The following PTPRK variants were observed in gnomAD, a reference collection of about 807,000 sequenced individuals.
The protein encoded by PTPRK is receptor-type tyrosine-protein phosphatase kappa.
In PTPRK, 75 loss-of-function variants were observed where a neutral mutation model predicts 178.0. That is an observed-to-expected ratio of 0.42 (90% CI 0.35 to 0.51). The LOEUF (loss-of-function observed/expected upper bound fraction) is 0.51. PTPRK is among the 20% of genes least tolerant of loss of function. PTPRK has a pLI of 0.02. For synonymous variants in PTPRK, 637 were observed against 620.6 expected (o/e 1.03, Z -0.39); for missense variants, 1,441 against 1,797.8 (o/e 0.80, Z 3.59).
chr6:128,296,155 C>T (rs900194081), intron 3 of PTPRK, among the ~76,000 whole-genome samples: 9 of 152,068 alleles, frequency 5.9e-5, no homozygotes, highest in African/African-American at 2.2e-4. Context: ...CCCCTTCTTG[C>T]TCACTGCCAT....
intron 1 of PTPRK, among the ~76,000 whole-genome samples, chr6:128,417,452 A>G (rs17361665): frequency 0.035 from 5,338 of 152,330 alleles, 148 homozygotes; most frequent in Non-Finnish European, 0.049. Flanking sequence ...TAGAAAAACT[A>G]TAATGGTTAA....
chr6:128,458,261 G>A (rs1848624833), intron 1 of PTPRK, among the ~76,000 whole-genome samples: 3 of 152,106 alleles, frequency 2.0e-5, no homozygotes, highest in African/African-American at 7.2e-5. Context: ...AGGAAACAGG[G>A]CCAGTATACA....
intron 7 of PTPRK, among the ~76,000 whole-genome samples, chr6:128,105,479 C>A (rs929885512): frequency 5.3e-5 from 8 of 152,014 alleles, no homozygotes; most frequent in Non-Finnish European, 8.8e-5. Context: ...AGTAAGAAAG[C>A]GATGAATATA....
intron 5 of PTPRK, among the ~76,000 whole-genome samples, chr6:128,234,275 T>C (rs1362332852): frequency 6.6e-6 from 1 of 152,242 alleles, no homozygotes. Flanking sequence ...TATGGCTTGA[T>C]TAGCACTGCC....
intron 10 of PTPRK, among the ~76,000 whole-genome samples, chr6:128,080,180 C>T (rs1784563239): frequency 6.6e-6 from 1 of 151,918 alleles, no homozygotes; most frequent in Non-Finnish European, 1.5e-5. Context: ...AGCAGAATAT[C>T]TGAAGATAAC....
intron 18 of PTPRK, 152 bp downstream of exon 18, chr6:127,995,307 CAAT>C: frequency 2.5e-6 from 4 of 1,603,114 alleles, no homozygotes; most frequent in Non-Finnish European, 3.4e-6. Context: ...GAAAGCACAA[CAAT>C]GTCAGTAAGT....
At chr6:127,970,386 T>C (rs1226711579) in intron 29 of PTPRK, 106 bp from the exon 30 acceptor site, 3 of 762,284 alleles carry the variant, frequency 3.9e-6, no homozygotes, top group Non-Finnish European at 6.2e-6. Flanking sequence ...TACTCAAGGA[T>C]TACAATTTAT....
intron 1 of PTPRK, among the ~76,000 whole-genome samples, chr6:128,483,485 T>G (rs1257504927): frequency 6.6e-6 from 1 of 152,146 alleles, no homozygotes; most frequent in Admixed American, 6.6e-5. Flanking sequence ...CTTCTCCCTC[T>G]GATATTATAA....
intron 2 of PTPRK, among the ~76,000 whole-genome samples, chr6:128,350,957 A>C (rs1326879250): frequency 2.0e-5 from 3 of 152,202 alleles, no homozygotes; most frequent in Non-Finnish European, 2.9e-5. Context: ...ACTCTTCTTC[A>C]ATTTCTAAGC....
chr6:128,367,188 C>T (rs1454110353), intron 2 of PTPRK, among the ~76,000 whole-genome samples: 2 of 152,108 alleles, frequency 1.3e-5, no homozygotes, highest in East Asian at 3.9e-4. Flanking sequence ...TAATAAATAT[C>T]TGTTGATGTA....
chr6:127,980,074 G>C (rs958428446), intron 25 of PTPRK, among the ~76,000 whole-genome samples: 17 of 152,180 alleles, frequency 1.1e-4, no homozygotes, highest in Admixed American at 1.1e-3. Context: ...ACTTTGGGGG[G>C]CCGAGGCAGG....
At chr6:128,342,579 C>T (rs1177401998) in intron 2 of PTPRK, among the ~76,000 whole-genome samples, 1 of 150,906 alleles carries the variant, frequency 6.6e-6, no homozygotes, top group Non-Finnish European at 1.5e-5. Context: ...AAAAAAGGCT[C>T]ATTATGTAGT....
In PTPRK at chr6:128,145,035, G is replaced by A. The variant is rs888854819; in HGVS notation, c.1162+39397C>T. On this transcript the variant is annotated intron_variant, in intron 7 of 29. Coordinates refer to ENST00000368226, the MANE Select transcript of PTPRK (RefSeq NM_002844.4). ...CAGATGTGGTGTTTAAAACAAAGTT[G>A]ACTTTCCAACAGCTACACAATAACA... 4.6e-5 allele frequency among the ~76,000 whole-genome samples: 7 copies of A among 152,068 alleles called. No homozygotes were observed. The South Asian group carries it at 6.2e-4, about 14-fold the overall frequency.
chr6:128,050,780 A>G (rs1397358295), intron 13 of PTPRK, among the ~76,000 whole-genome samples: 2 of 152,158 alleles, frequency 1.3e-5, no homozygotes, highest in African/African-American at 2.4e-5. Flanking sequence ...GGCTCAAGCA[A>G]TCCTCCTTCC....
intron 1 of PTPRK, among the ~76,000 whole-genome samples, chr6:128,416,834 G>A (rs932565381): frequency 6.6e-6 from 1 of 151,502 alleles, no homozygotes; most frequent in East Asian, 1.9e-4. Context: ...AACAAAATTT[G>A]AAGATGTGAT....
intron 2 of PTPRK, among the ~76,000 whole-genome samples, chr6:128,324,237 G>T (rs1829239249): frequency 6.6e-6 from 1 of 151,996 alleles, no homozygotes; most frequent in Admixed American, 6.6e-5. Context: ...ATTTTTAGAG[G>T]TCTGTATCAA....
At chr6:128,181,129 A>G (rs2114684623) in intron 7 of PTPRK, among the ~76,000 whole-genome samples, 1 of 152,214 alleles carries the variant, frequency 6.6e-6, no homozygotes, top group South Asian at 2.1e-4. Context: ...CTTGGCCACA[A>G]AAAAACCTAC....
intron 1 of PTPRK, among the ~76,000 whole-genome samples, chr6:128,449,489 T>G (rs1847475405): frequency 6.6e-6 from 1 of 152,076 alleles, no homozygotes; most frequent in African/African-American, 2.4e-5. Context: ...AATGTTGCTT[T>G]TTTCTCCAAA....
chr6:128,016,978 A>G (rs1416662877), intron 13 of PTPRK, among the ~76,000 whole-genome samples: 1 of 152,050 alleles, frequency 6.6e-6, no homozygotes, highest in African/African-American at 2.4e-5. Context: ...TTCAACTACT[A>G]TAGTTCTGTA....
Sources: allele counts gnomAD v4.1 joint callset (sites outside exome capture counted in the v4.1 genomes callset), GRCh38; gene constraint gnomAD v4.1.1; transcripts MANE v1.5; gene names NCBI Gene and HGNC (gene_info 2026-07-23, HGNC 2026-07-21).